The following CARMIL1 variants were observed in gnomAD, a reference collection of about 807,000 sequenced individuals.
The protein encoded by CARMIL1 is capping protein regulator and myosin 1 linker 1, also known as F-actin-uncapping protein LRRC16A.
A neutral mutation model predicts 177.1 loss-of-function variants in CARMIL1; 90 were observed. The observed-to-expected ratio is 0.51, with a 90% CI of 0.43 to 0.61. The LOEUF is 0.61. CARMIL1 is among the 20% of genes least tolerant of loss of function. The pLI, the probability that CARMIL1 is intolerant of heterozygous loss-of-function variation, is 0.00. For synonymous variants in CARMIL1, 577 were observed against 606.2 expected (o/e 0.95, Z 0.71); for missense variants, 1,380 against 1,667.0 (o/e 0.83, Z 3.00).
chr6:25,391,921 A>G (rs564411143), intron 2 of CARMIL1, among the ~76,000 whole-genome samples: 1 of 152,326 alleles, frequency 6.6e-6, no homozygotes, highest in East Asian at 1.9e-4. Context: ...GGCATGCCAC[A>G]TTCTTCTTCC....
chr6:25,504,421 G>T (rs374087), intron 17 of CARMIL1, among the ~76,000 whole-genome samples: 82,415 of 151,776 alleles, frequency 0.54, 22,857 homozygotes, highest in Admixed American at 0.57. Flanking sequence ...AAATAGACAT[G>T]TCACACTCAT....
chr6:25,456,342 A>C (rs1280573608), intron 8 of CARMIL1, among the ~76,000 whole-genome samples: 1 of 152,232 alleles, frequency 6.6e-6, no homozygotes. Context: ...ATCTAGGACC[A>C]GTCCCTCTGT....
chr6:25,316,917 C>T (rs1250564157), intron 2 of CARMIL1, among the ~76,000 whole-genome samples: 5 of 152,098 alleles, frequency 3.3e-5, no homozygotes, highest in Non-Finnish European at 7.4e-5. Flanking sequence ...CACCTGGAGA[C>T]TCGGTACTTC....
At chr6:25,348,638 T>C (rs1391666365) in intron 2 of CARMIL1, among the ~76,000 whole-genome samples, 4 of 151,688 alleles carry the variant, frequency 2.6e-5, no homozygotes, top group East Asian at 4.0e-4. Context: ...AAAAATTAGC[T>C]GGGCGTGGCT....
chr6:25,461,276 G>A (rs1326118555), intron 8 of CARMIL1, among the ~76,000 whole-genome samples: 10 of 152,266 alleles, frequency 6.6e-5, no homozygotes, highest in East Asian at 1.9e-4. Context: ...AGTTTTCTAC[G>A]ACTACCTTGC....
intron 2 of CARMIL1, among the ~76,000 whole-genome samples, chr6:25,398,338 C>T (rs1793603113): frequency 6.6e-6 from 1 of 152,090 alleles, no homozygotes; most frequent in African/African-American, 2.4e-5. Context: ...CATCATCAGT[C>T]ATGAAAACTC....
intron 12 of CARMIL1, among the ~76,000 whole-genome samples, chr6:25,486,665 T>C (rs754367174): frequency 1.1e-4 from 17 of 152,308 alleles, no homozygotes; most frequent in Non-Finnish European, 2.4e-4. Flanking sequence ...CATACGTTTC[T>C]CTTATCTAAC....
chr6:25,559,382 G>C (rs1810915447), intron 29 of CARMIL1, among the ~76,000 whole-genome samples: 4 of 152,120 alleles, frequency 2.6e-5, no homozygotes. Context: ...AATTCGTGAT[G>C]GTTTTCTAAA....
chr6:25,455,584 C>T (rs1799437941), intron 8 of CARMIL1, among the ~76,000 whole-genome samples: 1 of 152,214 alleles, frequency 6.6e-6, no homozygotes, highest in African/African-American at 2.4e-5. Flanking sequence ...TAAATATTGT[C>T]TACCACCCTG....
At chr6:25,477,045 T>C (rs1801634292) in intron 11 of CARMIL1, among the ~76,000 whole-genome samples, 7 of 148,112 alleles carry the variant, frequency 4.7e-5, no homozygotes. Context: ...GCCGAGATTG[T>C]GTCACTGCAC....
chr6:25,308,312 G>T (rs189471321), intron 2 of CARMIL1, among the ~76,000 whole-genome samples: 13 of 151,696 alleles, frequency 8.6e-5, no homozygotes, highest in African/African-American at 3.2e-4. Context: ...TTGTCACTGT[G>T]CCTGAGAAAG....
rs185086225 is a variant in CARMIL1, at chr6:25,388,959, A to G, written c.139-31155A>G. ...CGGCCTCCAAAAGTGCTGAGATTAC[A>G]GACATGAGCCACCACACCTGGCCTC... On this transcript the variant is annotated intron_variant, in intron 2 of 36. Coordinates refer to ENST00000329474, the MANE Select transcript of CARMIL1 (RefSeq NM_017640.6). Among the ~76,000 whole-genome samples, 607 of 152,284 alleles carry G rather than the reference A, an allele frequency of 4.0e-3. 3 individuals are homozygous for G. The highest frequency in any genetic ancestry group is 0.014 in the African/African-American group (567 of 41,546).
At chr6:25,517,976 T>C (rs1172379975) in intron 22 of CARMIL1, among the ~76,000 whole-genome samples, 2 of 152,204 alleles carry the variant, frequency 1.3e-5, no homozygotes, top group Non-Finnish European at 2.9e-5. Flanking sequence ...ATAGTAGACA[T>C]AGTTGAAAGT....
At chr6:25,544,546 A>G (rs1425880716) in intron 26 of CARMIL1, among the ~76,000 whole-genome samples, 1 of 151,938 alleles carries the variant, frequency 6.6e-6, no homozygotes. Flanking sequence ...TAGTTTTTAC[A>G]AATGAAGATG....
chr6:25,359,732 G>A (rs1164675241), intron 2 of CARMIL1, among the ~76,000 whole-genome samples: 3 of 152,288 alleles, frequency 2.0e-5, no homozygotes, highest in East Asian at 3.9e-4. Context: ...CACAGTGGGC[G>A]GAACCGGGAA....
At chr6:25,434,699 AATTTTTGT>A (rs371882398) in intron 4 of CARMIL1, among the ~76,000 whole-genome samples, 1,745 of 151,302 alleles carry the variant, frequency 0.012, 49 homozygotes, top group African/African-American at 0.038. Flanking sequence ...ACACCTAGCT[AATTTTTGT>A]ATTTTTGTAT....
intron 32 of CARMIL1, 91 bp from the exon 33 acceptor site, chr6:25,600,223 G>C (rs1432438483): frequency 8.2e-7 from 1 of 1,215,804 alleles, no homozygotes; most frequent in East Asian, 2.3e-5. Context: ...TACTGTATAT[G>C]TAGCAATCTC....
chr6:25,455,388 C>T (rs574055439), intron 8 of CARMIL1, among the ~76,000 whole-genome samples: 47 of 152,304 alleles, frequency 3.1e-4, no homozygotes, highest in African/African-American at 1.1e-3. Flanking sequence ...ATCAGTGCTT[C>T]TGGAATGGAA....
intron 5 of CARMIL1, among the ~76,000 whole-genome samples, chr6:25,436,274 C>T (rs970517688): frequency 6.6e-6 from 1 of 152,048 alleles, no homozygotes; most frequent in Non-Finnish European, 1.5e-5. Flanking sequence ...TCTGAAAGCT[C>T]CCTAAAATAA....
Sources: allele counts gnomAD v4.1 joint callset (sites outside exome capture counted in the v4.1 genomes callset), GRCh38; gene constraint gnomAD v4.1.1; transcripts MANE v1.5; gene names NCBI Gene and HGNC (gene_info 2026-07-23, HGNC 2026-07-21).